The following MYLK4 variants were observed in gnomAD, a reference collection of about 807,000 sequenced individuals.
MYLK4 encodes the protein myosin light chain kinase family member 4.
A neutral mutation model predicts 48.1 loss-of-function variants in MYLK4; 46 were observed. The ratio of observed to expected loss-of-function variants is 0.96; its 90% CI spans 0.75 to 1.22. MYLK4 has a LOEUF of 1.22. Ranked by LOEUF, MYLK4 falls within the 50% of genes most tolerant of loss-of-function variation. MYLK4 has a pLI of 0.00. For missense variants in MYLK4, 451 were observed against 486.1 expected (o/e 0.93, Z 0.68); for synonymous variants, 170 against 180.8 (o/e 0.94, Z 0.48).
At chr6:2,683,272 G>T in intron 6 of MYLK4, 110 bp from the exon 7 acceptor site, 2 of 1,191,604 alleles carry the variant, frequency 1.7e-6, no homozygotes, top group Non-Finnish European at 2.4e-6. Flanking sequence ...AAAGGTGTAT[G>T]TGCAGTTATT....
intron 7 of MYLK4, among the ~76,000 whole-genome samples, chr6:2,682,695 T>G (rs183019794): frequency 6.6e-6 from 1 of 152,154 alleles, no homozygotes; most frequent in South Asian, 2.1e-4. Flanking sequence ...TCTCACCTAC[T>G]TGTCCTGATG....
chr6:2,689,011 G>A (rs544143653), intron 3 of MYLK4, 55 bp from the exon 4 acceptor site: 2 of 1,422,892 alleles, frequency 1.4e-6, no homozygotes, highest in Non-Finnish European at 2.0e-6. Context: ...ACCTCGTTAA[G>A]GCAGCAAGCC....
At chr6:2,752,682 C>A (rs899891856), upstream of MYLK4, among the ~76,000 whole-genome samples, 3 of 151,956 alleles carry the variant, frequency 2.0e-5, no homozygotes, top group African/African-American at 7.3e-5. Flanking sequence ...ACTGGAGTTC[C>A]GGGGAGGGGT....
rs910958296 is a variant in MYLK4 at position 2,749,354 on chromosome 6, C to A, written c.-60G>T. 36 of 1,377,456 alleles carry A rather than the reference C, an allele frequency of 2.6e-5. No homozygotes were observed. The highest frequency in any genetic ancestry group is 3.6e-4 in the Middle Eastern group (2 of 5,498). 85.3% of individuals were successfully genotyped at this position (1,377,456 alleles called of 1,614,324 possible). Reference sequence around the variant, plus strand: ...GTGTGGTTTTCGTCTCCCTCTGTCTCCGATTTATAAATCAGGACACAATTA... The same window carrying A: ...GTGTGGTTTTCGTCTCCCTCTGTCTACGATTTATAAATCAGGACACAATTA... On this transcript the variant is annotated 5_prime_UTR_variant, in exon 2 of 13. Transcript: ENST00000274643.
At chr6:2,725,041 C>T (rs1156910020) in intron 2 of MYLK4, among the ~76,000 whole-genome samples, 1 of 152,158 alleles carries the variant, frequency 6.6e-6, no homozygotes, top group African/African-American at 2.4e-5. Context: ...ATTCCAGCTG[C>T]TCGAGAGGCT....
chr6:2,719,262 A>C (rs6596907), intron 2 of MYLK4, among the ~76,000 whole-genome samples: 129,625 of 152,060 alleles, frequency 0.85, 55,345 homozygotes, highest in Admixed American at 0.89. Flanking sequence ...AGTACATTGA[A>C]TTTTTATCAG....
chr6:2,766,125 C>T, the MYLK4 span: 9 of 1,325,406 alleles, frequency 6.8e-6, no homozygotes, highest in Admixed American at 1.2e-4. Context: ...GAGGAGGAGG[C>T]CGTGGGCGAC....
chr6:2,681,323 T>G (rs1761292749), intron 7 of MYLK4, among the ~76,000 whole-genome samples: 1 of 152,208 alleles, frequency 6.6e-6, no homozygotes, highest in Non-Finnish European at 1.5e-5. Flanking sequence ...CAATATTCAA[T>G]AGTACATTTG....
chr6:2,761,795 G>A, the MYLK4 span, among the ~76,000 whole-genome samples: 183 of 152,250 alleles, frequency 1.2e-3, no homozygotes, highest in Middle Eastern at 6.8e-3. Context: ...GTAGCTGTGG[G>A]AGACATGCAC....
At chr6:2,735,233 A>G (rs996139911) in intron 2 of MYLK4, among the ~76,000 whole-genome samples, 15 of 152,204 alleles carry the variant, frequency 9.9e-5, no homozygotes, top group Admixed American at 2.0e-4. Context: ...AAGGGACAGA[A>G]AGCACCCAGA....
In MYLK4 at chr6:2,701,205, G is replaced by A. The variant is rs188228925; in HGVS notation, c.160-8346C>T. On this transcript the variant is annotated intron_variant, in intron 2 of 12. Coordinates refer to ENST00000274643, the MANE Select transcript of MYLK4 (RefSeq NM_001012418.5). ...CAATAAAACTCTTTGATTTCTTCCC[G>A]CCGCAGACAGTTTTAAGAGCCTTCA... Among the ~76,000 whole-genome samples, 56 of 152,026 alleles carry A rather than the reference G, an allele frequency of 3.7e-4. No individual in the cohort carries two copies. In the East Asian group the frequency reaches 3.9e-3, roughly 11 times the overall value.
chr6:2,743,628 G>A (rs141979865), intron 2 of MYLK4, among the ~76,000 whole-genome samples: 4 of 152,226 alleles, frequency 2.6e-5, no homozygotes, highest in East Asian at 1.9e-4. Context: ...GAAGAGATAC[G>A]GACATTATTT....
rs192877697 is a variant in MYLK4 at position 2,677,503 on chromosome 6, G to A, written c.1040+717C>T. Among the ~76,000 whole-genome samples, 452 of 152,262 alleles carry A rather than the reference G, an allele frequency of 3.0e-3. 3 individuals are homozygous for A. The highest frequency in any genetic ancestry group is 1.0e-2 in the African/African-American group (415 of 41,552). On this transcript the variant is annotated intron_variant, in intron 10 of 12. Transcript: ENST00000274643. ...CAGGTATAAAGCCATCTGAAACAGCGTGTTTGATGGGTTAATCACAATGCC... is the reference window on the plus strand; with the variant it reads ...CAGGTATAAAGCCATCTGAAACAGCATGTTTGATGGGTTAATCACAATGCC...
chr6:2,749,640 A>G (rs1262591760), intron 1 of MYLK4, among the ~76,000 whole-genome samples: 2 of 152,212 alleles, frequency 1.3e-5, no homozygotes, highest in East Asian at 3.8e-4. Flanking sequence ...CAATGTCAAG[A>G]TTCACTGGTG....
At chr6:2,760,787 A>G in the MYLK4 span, among the ~76,000 whole-genome samples, 2 of 152,242 alleles carry the variant, frequency 1.3e-5, no homozygotes, top group Non-Finnish European at 2.9e-5. Context: ...TAGAGTAAAT[A>G]AAAGGTTCTA....
At chr6:2,669,404 C>G (rs989214040) in intron 12 of MYLK4, among the ~76,000 whole-genome samples, 1 of 152,346 alleles carries the variant, frequency 6.6e-6, no homozygotes, top group South Asian at 2.1e-4. Flanking sequence ...GACTCTACCC[C>G]CTCCCATCAC....
chr6:2,770,205 C>G, the MYLK4 span: 1 of 1,614,208 alleles, frequency 6.2e-7, no homozygotes, highest in Non-Finnish European at 8.5e-7. Flanking sequence ...GTCAACGCTG[C>G]TCTTCTGAGC....
At chr6:2,743,453 A>G (rs531627422) in intron 2 of MYLK4, among the ~76,000 whole-genome samples, 1 of 152,328 alleles carries the variant, frequency 6.6e-6, no homozygotes, top group East Asian at 1.9e-4. Flanking sequence ...TGTTACATGA[A>G]ATGCATTATC....
At chr6:2,694,228 C>A (rs1761927899) in intron 2 of MYLK4, among the ~76,000 whole-genome samples, 1 of 152,048 alleles carries the variant, frequency 6.6e-6, no homozygotes, top group Non-Finnish European at 1.5e-5. Flanking sequence ...AGAGACGGCA[C>A]TTGCCTACTT....
Sources: gnomAD v4.1 joint callset for allele counts (sites outside exome capture counted in the v4.1 genomes callset) on GRCh38, gnomAD v4.1.1 for gene constraint, MANE v1.5 for transcripts, NCBI Gene and HGNC (gene_info 2026-07-23, HGNC 2026-07-21) for gene names.